TUBG2: variants seen among roughly 807,000 people sequenced by gnomAD.
TUBG2 encodes the protein tubulin gamma-2 chain.
TUBG2 carries 39 observed loss-of-function variants against 55.1 expected under a neutral mutation model. The ratio of observed to expected loss-of-function variants is 0.71; its 90% CI spans 0.55 to 0.93. The LOEUF (loss-of-function observed/expected upper bound fraction) is 0.93. TUBG2 is among the 40% of genes least tolerant of loss of function. The pLI, the probability that TUBG2 is intolerant of heterozygous loss-of-function variation, is 0.00. For missense variants in TUBG2, 358 were observed against 599.1 expected (o/e 0.60, Z 4.20); for synonymous variants, 223 against 241.0 (o/e 0.93, Z 0.69).
At position 42,665,518 on chromosome 17, in the gene TUBG2, C is replaced by T. The variant is rs746152006; in HGVS notation, c.649C>T (p.Arg217Cys). 4 of 1,614,140 alleles carry T rather than the reference C, an allele frequency of 2.5e-6. No homozygotes were observed. The highest frequency in any genetic ancestry group is 2.2e-5 in the East Asian group (1 of 44,882). ...AGCCCTGAACCGGATTGCCACAGACCGCCTGCACATCCAGAACCCGTCCTT... is the reference window on the plus strand; with the variant it reads ...AGCCCTGAACCGGATTGCCACAGACTGCCTGCACATCCAGAACCCGTCCTT... ...NTALNRIATDRLHIQNPSFSQ... is the reference protein window; with the variant it reads ...NTALNRIATDCLHIQNPSFSQ... Residue 217 changes from arginine (R) to cysteine (C), a missense_variant, in exon 7 of 11, where the codon CGC becomes TGC. This residue lies in a region of TUBG2 where 52 missense variants were observed against 53.8 expected (regional missense o/e 0.97). Coordinates refer to ENST00000251412, the MANE Select transcript of TUBG2 (RefSeq NM_016437.3).
Position 42,666,609 on chromosome 17 carries a change from GAA to G in TUBG2, c.1167_1168del (p.Ser390PhefsTer6). 1 of 1,614,192 alleles carries G rather than the reference GAA, an allele frequency of 6.2e-7. No individual in the cohort carries two copies. On this transcript the variant is annotated frameshift_variant, in exon 11 of 11. Transcript: ENST00000251412. LOFTEE classifies it high-confidence loss of function. Reference protein sequence around the residue: ...ANHTSISSLFESSCQQFDKLR... With the variant: ...ANHTSISSLFXSSCQQFDKLR... Reference sequence around the variant, plus strand: ...AGATTTTCATCTCTTTCAGCTCTTTGAAAGTTCCTGCCAGCAGTTTGACAAGC... The same window carrying G: ...AGATTTTCATCTCTTTCAGCTCTTTGAGTTCCTGCCAGCAGTTTGACAAGC...
chr17:42,666,075 C>G lies in TUBG2; in HGVS notation c.844-12C>G. On this transcript the variant is annotated splice_polypyrimidine_tract_variant and intron_variant, in intron 8 of 10. Transcript: ENST00000251412. ...GAGCGCTGGCCGGGTCCCTGTCTCA[C>G]TGTCCCATCAGGTGGCCAGCGTGAG... 1 of 1,613,990 alleles carries G rather than the reference C, an allele frequency of 6.2e-7. No individual in the cohort carries two copies. Among genetic ancestry groups the G allele is most frequent in the South Asian group, 1.1e-5 (1 of 91,080 alleles).
intron 3 of TUBG2, 122 bp from the exon 4 acceptor site, chr17:42,660,517 C>T (rs902653994): frequency 1.5e-6 from 2 of 1,295,148 alleles, no homozygotes; most frequent in East Asian, 2.4e-5. Context: ...AGGGCTACAG[C>T]CTAGGCTCTG....
In TUBG2 at chr17:42,660,958, G is replaced by A. The variant is rs1029025593; in HGVS notation, c.399+251G>A. On this transcript the variant is annotated intron_variant, in intron 4 of 10. Coordinates refer to ENST00000251412, the MANE Select transcript of TUBG2 (RefSeq NM_016437.3). ...TTCTCCAGCTCCAAACCTTCCCAAG[G>A]AGCCTCAGCCTGGATGCATAAGAGG... The A allele has an allele frequency of 2.9e-5, 13 of 441,190 alleles. No individual in the cohort carries two copies. The Admixed American group carries it at 3.7e-4, about 13-fold the overall frequency. 27.3% of individuals were successfully genotyped at this position (441,190 alleles called of 1,614,324 possible).
chr17:42,664,566 G>A (rs1437388132), intron 6 of TUBG2, among the ~76,000 whole-genome samples: 5 of 151,988 alleles, frequency 3.3e-5, no homozygotes, highest in Admixed American at 2.6e-4. Context: ...AACTTTCTTA[G>A]CAAAACCCTT....
At position 42,659,469 on chromosome 17, in the gene TUBG2, C is replaced by A; in HGVS notation, c.-35C>A. ...CATTCGTCTCAGCCGTGACTCTCGCCAGGCCGGGGCTGGCGCGCCCACGTC... is the reference window on the plus strand; with the variant it reads ...CATTCGTCTCAGCCGTGACTCTCGCAAGGCCGGGGCTGGCGCGCCCACGTC... On this transcript the variant is annotated 5_prime_UTR_variant, in exon 1 of 11. Coordinates refer to ENST00000251412, the MANE Select transcript of TUBG2 (RefSeq NM_016437.3). 1 of 1,542,180 alleles carries A rather than the reference C, an allele frequency of 6.5e-7. No homozygotes were observed.
intron 6 of TUBG2, among the ~76,000 whole-genome samples, chr17:42,663,821 T>C (rs1028304614): frequency 1.3e-5 from 2 of 152,006 alleles, no homozygotes; most frequent in African/African-American, 4.8e-5. Context: ...CGCATGCCTG[T>C]AGTCCCAGCT....
At position 42,666,842 on chromosome 17, in the gene TUBG2, C is replaced by T. The variant is rs1216245455; in HGVS notation, c.*42C>T. The T allele has an allele frequency of 6.2e-7, 1 of 1,606,612 alleles. No individual in the cohort carries two copies. The highest frequency in any genetic ancestry group is 1.7e-5 in the Admixed American group (1 of 59,824). On this transcript the variant is annotated 3_prime_UTR_variant, in exon 11 of 11. Transcript: ENST00000251412. Reference sequence around the variant, plus strand: ...TCCTTCTCCTTCTAGATGGTAACCACAGCCTCGACCATGCCTGCTCCCTCT... The same window carrying T: ...TCCTTCTCCTTCTAGATGGTAACCATAGCCTCGACCATGCCTGCTCCCTCT...
rs1214746176 is a variant in TUBG2, at chr17:42,666,768, G to A, written c.1324G>A (p.Asp442Asn). 1.2e-6 allele frequency: 2 copies of A among 1,614,118 alleles called. No homozygotes were observed. Among genetic ancestry groups the A allele is most frequent in the African/African-American group, 2.7e-5 (2 of 75,014 alleles). ...IDEYHAATQP[D>N]YISWGTQEQ ...TGAGTACCATGCGGCCACCCAGCCAGACTACATTTCCTGGGGCACCCAGGA... is the reference window on the plus strand; with the variant it reads ...TGAGTACCATGCGGCCACCCAGCCAAACTACATTTCCTGGGGCACCCAGGA... Residue 442 changes from aspartate to asparagine, a missense_variant, in exon 11 of 11, where the codon GAC becomes AAC. This residue lies in a region of TUBG2 where 54 missense variants were observed against 50.2 expected (regional missense o/e 1.08). Coordinates refer to ENST00000251412, the MANE Select transcript of TUBG2 (RefSeq NM_016437.3).
At position 42,666,798 on chromosome 17, in the gene TUBG2, T is replaced by A; in HGVS notation, c.1354T>A (p.Ter452ArgextTer23). The change falls in exon 11 of 11, where the codon TGA becomes AGA. Residue 452 changes from the stop codon to arginine, a stop_lost. Transcript: ENST00000251412. ...CATTTCCTGGGGCACCCAGGAGCAG[T>A]GATTTCCCTCCCCACTACTCCTTCT... ...DYISWGTQEQ[*>R] 6.2e-7 allele frequency: 1 copy of A among 1,613,990 alleles called. No individual in the cohort carries two copies. Among genetic ancestry groups the A allele is most frequent in the African/African-American group, 1.3e-5 (1 of 75,004 alleles).
chr17:42,666,533 C>T, intron 10 of TUBG2, 49 bp downstream of exon 10: 1 of 1,613,596 alleles, frequency 6.2e-7, no homozygotes, highest in Non-Finnish European at 8.5e-7. Flanking sequence ...CCACTGGCCA[C>T]CTTCATCATC....
chr17:42,661,578 T>C (rs2052384227), intron 4 of TUBG2, among the ~76,000 whole-genome samples: 1 of 152,206 alleles, frequency 6.6e-6, no homozygotes, highest in Admixed American at 6.5e-5. Flanking sequence ...CCAAAAGGAC[T>C]GAGTTTGGGG....
At chr17:42,665,903 C>T in intron 8 of TUBG2, 76 bp downstream of exon 8, 2 of 1,602,058 alleles carry the variant, frequency 1.2e-6, no homozygotes, top group Admixed American at 3.4e-5. Context: ...TTCTCTCTTC[C>T]CCACTGCCCC....
At position 42,659,833 on chromosome 17, in the gene TUBG2, G is replaced by A; in HGVS notation, c.50-1G>A. The A allele has an allele frequency of 6.2e-7, 1 of 1,614,184 alleles. No homozygotes were observed. The highest frequency in any genetic ancestry group is 1.1e-5 in the South Asian group (1 of 91,080). ...ACCCGGGCATCTCCCCCCTCCCCCA[G>A]TTGGGTTCGAGTTCTGGAAACAGCT... On this transcript the variant is annotated splice_acceptor_variant, in intron 1 of 10. Coordinates refer to ENST00000251412, the MANE Select transcript of TUBG2 (RefSeq NM_016437.3). LOFTEE classifies it high-confidence loss of function.
At chr17:42,659,759 C>A in intron 1 of TUBG2, 75 bp from the exon 2 acceptor site, 3 of 1,574,136 alleles carry the variant, frequency 1.9e-6, no homozygotes, top group South Asian at 1.1e-5. Flanking sequence ...CTGATCGTGT[C>A]AGCCTCTGAG....
chr17:42,666,891 AC>A lies in TUBG2; in HGVS notation c.*94del, dbSNP rs1477628337. 65 of 1,421,668 alleles carry A rather than the reference AC, an allele frequency of 4.6e-5. No homozygotes were observed. The East Asian group carries it at 1.2e-3, about 26-fold the overall frequency. The allele number at this position is 1,421,668 out of a possible 1,614,324, so 88.1% of individuals were successfully genotyped here. A position where few individuals can be genotyped will look rare whatever the true frequency, so the allele number is the denominator to read the frequency against. ...CTGACCCAGCTTCACCTCATGGACA[AC>A]CCTTCTTGGTTCATCTCCAGCCCGT... On this transcript the variant is annotated 3_prime_UTR_variant, in exon 11 of 11. Transcript: ENST00000251412.
At chr17:42,663,589 C>A in intron 6 of TUBG2, 86 bp downstream of exon 6, 1 of 1,540,514 alleles carries the variant, frequency 6.5e-7, no homozygotes, top group Non-Finnish European at 8.8e-7. Flanking sequence ...AGATGGATTG[C>A]TTGAGCTCAG....
chr17:42,664,842 T>G, intron 6 of TUBG2, among the ~76,000 whole-genome samples: 1 of 34,730 alleles, frequency 2.9e-5, no homozygotes, highest in Admixed American at 4.3e-4. Flanking sequence ...TTTTTATTTT[T>G]TATTTATATT....
rs1209176420 is a variant in TUBG2 at position 42,663,493 on chromosome 17, C to T, written c.596C>T (p.Ala199Val). ...LLTLKRLTQN[A>V]DCVVVLDNTA... The stretch of plus-strand genomic sequence containing the variant: ...ACACTCAAGAGGCTGACGCAGAACG[C>T]AGATTGTGTGGTGAGCAAAGAAAGA... The change falls in exon 6 of 11, where the codon GCA becomes GTA. Residue 199 changes from alanine to valine, a missense_variant. Ala to Val is a moderately conservative substitution (Grantham distance 64). Coordinates refer to ENST00000251412, the MANE Select transcript of TUBG2 (RefSeq NM_016437.3). 1 of 1,613,976 alleles carries T rather than the reference C, an allele frequency of 6.2e-7. No homozygotes were observed. Among genetic ancestry groups the T allele is most frequent in the Non-Finnish European group, 8.5e-7 (1 of 1,179,912 alleles).
Sources: gnomAD v4.1 joint callset for allele counts (sites outside exome capture counted in the v4.1 genomes callset) on GRCh38, gnomAD v4.1.1 for gene constraint, gnomAD v4.1.1 regional missense constraint, MANE v1.5 for transcripts, NCBI Gene and HGNC (gene_info 2026-07-23, HGNC 2026-07-21) for gene names.